Variants in SLIT2 observed in about 807,000 individuals in gnomAD.
The protein encoded by SLIT2 is slit guidance ligand 2.
In SLIT2, 41 loss-of-function variants were observed where a neutral mutation model predicts 185.7. That is an observed-to-expected ratio of 0.22 (90% CI 0.17 to 0.29). SLIT2 has a LOEUF of 0.29. Ranked by LOEUF, SLIT2 falls within the 10% of genes least tolerant of loss-of-function variation. The probability of loss-of-function intolerance (pLI) is 1.00; values close to 1 mark genes in which losing one functional copy is unlikely to be tolerated. For synonymous variants in SLIT2, 693 were observed against 680.2 expected (o/e 1.02, Z -0.29); for missense variants, 1,571 against 1,909.0 (o/e 0.82, Z 3.30).
intron 3 of SLIT2, among the ~76,000 whole-genome samples, chr4:20,264,974 A>G (rs113356474): frequency 5.3e-5 from 8 of 151,946 alleles, no homozygotes; most frequent in Admixed American, 1.3e-4. Flanking sequence ...TGTGCTCTCA[A>G]CAATGATAAT....
rs55679047 is a variant in SLIT2, at chr4:20,419,667, CTGTGTG to C, written c.396-48047_396-48042del. Among the ~76,000 whole-genome samples the C allele has an allele frequency of 8.9e-3, 1,222 of 138,062 alleles. 15 individuals carry two copies. The highest frequency in any genetic ancestry group is 0.024 in the African/African-American group (864 of 36,470). The allele number at this position is 138,062 out of a possible 152,430, so 90.6% of individuals were successfully genotyped here. On this transcript the variant is annotated intron_variant, in intron 4 of 36. Coordinates refer to ENST00000504154, the MANE Select transcript of SLIT2 (RefSeq NM_004787.4). ...GTTGCTGTTAAGGGTAAGTTTTAAG[CTGTGTG>C]TGTGTGTGTGTGTGTGTGTGTGTGT...
At chr4:20,395,119 A>G (rs1422634680) in intron 4 of SLIT2, among the ~76,000 whole-genome samples, 1 of 152,086 alleles carries the variant, frequency 6.6e-6, no homozygotes, top group Non-Finnish European at 1.5e-5. Context: ...ATGACCATCC[A>G]CATATTGCCA....
chr4:20,319,456 G>T (rs1440999198), intron 4 of SLIT2, among the ~76,000 whole-genome samples: 1 of 151,976 alleles, frequency 6.6e-6, no homozygotes, highest in Admixed American at 6.6e-5. Flanking sequence ...GAAATGAAAA[G>T]CAGGAAAAAT....
In SLIT2 at chr4:20,558,287, T is replaced by C. The variant is rs60857104; in HGVS notation, c.2725+4319T>C. ...GAGTCAATTGAGGCAGCAAAATTCA[T>C]TGTTGTCTTATTTTAAGAAATTGCT... On this transcript the variant is annotated intron_variant, in intron 26 of 36. Transcript: ENST00000504154. Among the ~76,000 whole-genome samples the C allele has an allele frequency of 7.7e-3, 1,176 of 152,046 alleles. 32 individuals carry two copies. Among genetic ancestry groups the C allele is most frequent in the Admixed American group, 0.051 (782 of 15,250 alleles).
At chr4:20,318,899 G>A (rs571816823) in intron 4 of SLIT2, among the ~76,000 whole-genome samples, 1 of 152,264 alleles carries the variant, frequency 6.6e-6, no homozygotes, top group East Asian at 1.9e-4. Flanking sequence ...CTTACGTATG[G>A]TTAAGTAATA....
chr4:20,494,604 G>A (rs1385715834), intron 9 of SLIT2, among the ~76,000 whole-genome samples: 1 of 151,934 alleles, frequency 6.6e-6, no homozygotes, highest in Non-Finnish European at 1.5e-5. Flanking sequence ...GTGAAACCCT[G>A]TCTCTACTAA....
chr4:20,481,296 T>G (rs1716676478), intron 6 of SLIT2, among the ~76,000 whole-genome samples: 2 of 152,144 alleles, frequency 1.3e-5, no homozygotes, highest in African/African-American at 4.8e-5. Flanking sequence ...CCACTGACTT[T>G]GTAATGTACA....
intron 4 of SLIT2, among the ~76,000 whole-genome samples, chr4:20,384,035 C>A (rs1238504691): frequency 6.6e-6 from 1 of 151,466 alleles, no homozygotes; most frequent in African/African-American, 2.4e-5. Context: ...GTTTTTCCAA[C>A]AGAAAAGAAA....
chr4:20,304,035 A>C (rs541210758), intron 4 of SLIT2, among the ~76,000 whole-genome samples: 120 of 152,290 alleles, frequency 7.9e-4, no homozygotes, highest in Middle Eastern at 3.4e-3. Flanking sequence ...TAAAATAGAA[A>C]CATAATTACC....
chr4:20,392,294 A>G (rs568095549), intron 4 of SLIT2: 11 of 152,204 alleles, frequency 7.2e-5, no homozygotes, highest in African/African-American at 2.4e-4. Flanking sequence ...ACATACCGAA[A>G]TATAGAAAAG....
In SLIT2 at chr4:20,490,037, G is replaced by A. The variant is rs529840189; in HGVS notation, c.775+1055G>A. On this transcript the variant is annotated intron_variant, in intron 8 of 36. Coordinates refer to ENST00000504154, the MANE Select transcript of SLIT2 (RefSeq NM_004787.4). ...CCGGAGGTGGAGCTTGCAGTGAGCC[G>A]AGATCGCGCCATTGCGCTCCAGCCT... The A allele has an allele frequency of 1.9e-3, 286 of 152,392 alleles. 1 individual carries two copies. Among genetic ancestry groups the A allele is most frequent in the Non-Finnish European group, 1.2e-3 (83 of 68,084 alleles). 9.4% of individuals were successfully genotyped at this position (152,392 alleles called of 1,614,324 possible). A position where few individuals can be genotyped will look rare whatever the true frequency, so the allele number is the denominator to read the frequency against.
At chr4:20,359,363 A>G (rs534774401) in intron 4 of SLIT2, among the ~76,000 whole-genome samples, 1 of 152,086 alleles carries the variant, frequency 6.6e-6, no homozygotes, top group African/African-American at 2.4e-5. Flanking sequence ...GGTTAGGTCC[A>G]TGAGCCAGTA....
Position 20,546,221 on chromosome 4 carries a change from T to C in SLIT2, c.2345+122T>C, listed in dbSNP as rs796417801. The C allele has an allele frequency of 1.5e-5, 8 of 535,758 alleles. No homozygotes were observed. In the South Asian group the frequency reaches 1.9e-4, roughly 13 times the overall value. The allele number at this position is 535,758 out of a possible 1,614,324, so 33.2% of individuals were successfully genotyped here. On this transcript the variant is annotated intron_variant, in intron 22 of 36. Coordinates refer to ENST00000504154, the MANE Select transcript of SLIT2 (RefSeq NM_004787.4). Reference sequence around the variant, plus strand: ...AATCATTCACAGTTAGATGCTTCCCTCCTTGCTCATTGCGGTTCTGGACCC... The same window carrying C: ...AATCATTCACAGTTAGATGCTTCCCCCCTTGCTCATTGCGGTTCTGGACCC...
intron 4 of SLIT2, among the ~76,000 whole-genome samples, chr4:20,345,544 C>G (rs10002791): frequency 7.2e-6 from 1 of 138,892 alleles, no homozygotes. Flanking sequence ...TTTCTTTTTT[C>G]TTTTTTTTTG....
chr4:20,472,620 C>CGATATATATCGATATATATA (rs1553908902), intron 5 of SLIT2, among the ~76,000 whole-genome samples: 1 of 18,644 alleles, frequency 5.4e-5, no homozygotes, highest in Non-Finnish European at 8.0e-5. Flanking sequence ...CTATATATAT[C>CGATATATATCGATATATATA]GATATATCTA....
chr4:20,543,690 C>T (rs1316801163), intron 21 of SLIT2, among the ~76,000 whole-genome samples: 8 of 152,014 alleles, frequency 5.3e-5, no homozygotes, highest in Admixed American at 3.9e-4. Flanking sequence ...TTTCAAATCA[C>T]ATGCAATTCT....
intron 33 of SLIT2, among the ~76,000 whole-genome samples, chr4:20,603,824 C>G (rs895124188): frequency 6.6e-6 from 1 of 152,170 alleles, no homozygotes; most frequent in African/African-American, 2.4e-5. Flanking sequence ...CAAAGATTAT[C>G]TTTGTATCTG....
intron 25 of SLIT2, among the ~76,000 whole-genome samples, chr4:20,551,480 TA>T (rs1723749876): frequency 6.6e-6 from 1 of 152,222 alleles, no homozygotes; most frequent in Non-Finnish European, 1.5e-5. Flanking sequence ...AAGTACAGTA[TA>T]ACCATTTGAA....
chr4:20,362,849 G>T lies in SLIT2; in HGVS notation c.395+93968G>T, dbSNP rs182896245. 3.3e-5 allele frequency among the ~76,000 whole-genome samples: 5 copies of T among 151,872 alleles called. No individual in the cohort carries two copies. The East Asian group carries it at 7.7e-4, about 24-fold the overall frequency. ...ATTTTAGCCTAATACTTCTGTTCTA[G>T]AACTTAAATATTGGCTGTATTATTT... On this transcript the variant is annotated intron_variant, in intron 4 of 36. Transcript: ENST00000504154.
Sources: allele counts gnomAD v4.1 joint callset (sites outside exome capture counted in the v4.1 genomes callset), GRCh38; gene constraint gnomAD v4.1.1; transcripts MANE v1.5; gene names NCBI Gene and HGNC (gene_info 2026-07-23, HGNC 2026-07-21).